Variants in SDHB observed in about 807,000 individuals in gnomAD.
The protein encoded by SDHB is succinate dehydrogenase complex iron sulfur subunit B.
A neutral mutation model predicts 39.7 loss-of-function variants in SDHB; 21 were observed. The ratio of observed to expected loss-of-function variants is 0.53; its 90% CI spans 0.37 to 0.76. The LOEUF is 0.76. SDHB is among the 30% of genes least tolerant of loss of function. SDHB has a pLI of 0.00. For synonymous variants in SDHB, 118 were observed against 117.0 expected, an observed-to-expected ratio of 1.01 and a Z score of -0.06; for missense variants, 343 against 350.9, an observed-to-expected ratio of 0.98 and a Z score of 0.18.
At chr1:17,040,684 G>A (rs747528388) in intron 2 of SDHB, among the ~76,000 whole-genome samples, 9 of 152,004 alleles carry the variant, frequency 5.9e-5, no homozygotes, top group Non-Finnish European at 1.3e-4. Context: ...AGCTGGTCTT[G>A]GACTCTTGGC....
chr1:17,020,432 T>C (rs2077955195), intron 7 of SDHB, among the ~76,000 whole-genome samples: 1 of 152,198 alleles, frequency 6.6e-6, no homozygotes, highest in African/African-American at 2.4e-5. Flanking sequence ...GATCGGCCTA[T>C]GTCTATGTCT....
At chr1:17,024,347 G>T (rs904416337) in intron 5 of SDHB, among the ~76,000 whole-genome samples, 29 of 152,212 alleles carry the variant, frequency 1.9e-4, no homozygotes, top group African/African-American at 6.7e-4. Context: ...GTCTAAAAAA[G>T]AAATAGAAAA....
chr1:17,038,582 G>A (rs1355849994), intron 2 of SDHB, among the ~76,000 whole-genome samples: 1 of 152,160 alleles, frequency 6.6e-6, no homozygotes, highest in African/African-American at 2.4e-5. Context: ...GGACTGGCTA[G>A]AACCTTCAGT....
intron 2 of SDHB, among the ~76,000 whole-genome samples, chr1:17,043,193 C>T (rs9435676): frequency 0.42 from 63,867 of 151,676 alleles, 15,093 homozygotes; most frequent in Non-Finnish European, 0.54. Context: ...ATGCCTGACC[C>T]CGAGTGATCC....
At chr1:17,026,088 C>T (rs143979294) in intron 5 of SDHB, among the ~76,000 whole-genome samples, 195 of 152,352 alleles carry the variant, frequency 1.3e-3, no homozygotes, top group African/African-American at 4.5e-3. Context: ...GGGAACTCTT[C>T]AATCCCTAAT....
At chr1:17,023,796 G>A (rs1031749445) in intron 6 of SDHB, among the ~76,000 whole-genome samples, 177 bp downstream of exon 6, 1 of 152,188 alleles carries the variant, frequency 6.6e-6, no homozygotes, top group Non-Finnish European at 1.5e-5. Flanking sequence ...TGCAGACAAG[G>A]CCCCAGATTT....
In SDHB at chr1:17,044,754, T is replaced by C. The variant is rs371329778; in HGVS notation, c.200+7A>G. 20 of 1,614,010 alleles carry C rather than the reference T, an allele frequency of 1.2e-5. No individual in the cohort carries two copies. The African/African-American group carries it at 1.3e-4, about 11-fold the overall frequency. On this transcript the variant is annotated splice_region_variant and intron_variant, in intron 2 of 7. Coordinates refer to ENST00000375499, the MANE Select transcript of SDHB (RefSeq NM_003000.3). ...CTTCAATAGCTGGCTTTCACAGAGA[T>C]ACTCACTTATTAAGGTCAACTTCAT...
chr1:17,047,696 AAG>A (rs1408023385), intron 1 of SDHB, among the ~76,000 whole-genome samples: 6 of 151,412 alleles, frequency 4.0e-5, no homozygotes, highest in African/African-American at 7.3e-5. Flanking sequence ...AAAAAAAAAA[AAG>A]AGAGAGAGTT....
chr1:17,034,247 A>G (rs998597721), intron 2 of SDHB, among the ~76,000 whole-genome samples: 5 of 152,044 alleles, frequency 3.3e-5, no homozygotes, highest in Non-Finnish European at 7.4e-5. Context: ...TCCCAGCCTC[A>G]AGAGATCCTC....
chr1:17,040,666 G>C (rs2078074803), intron 2 of SDHB, among the ~76,000 whole-genome samples: 1 of 152,024 alleles, frequency 6.6e-6, no homozygotes, highest in Admixed American at 6.6e-5. Context: ...GGTCTCACAG[G>C]TTGCCCAAGC....
chr1:17,023,534 T>C (rs2077974774), intron 6 of SDHB, among the ~76,000 whole-genome samples: 1 of 152,252 alleles, frequency 6.6e-6, no homozygotes. Context: ...TACTATTTTC[T>C]TTCTAAGCAA....
intron 1 of SDHB, among the ~76,000 whole-genome samples, chr1:17,046,874 G>A (rs1269952278): frequency 1.3e-5 from 2 of 151,894 alleles, no homozygotes; most frequent in Non-Finnish European, 2.9e-5. Flanking sequence ...TGTGCTACCA[G>A]GCCCGGCTAA....
At position 17,027,878 on chromosome 1, in the gene SDHB, GGAAGAA is replaced by G. The variant is rs34261028; in HGVS notation, c.424-19_424-14del. On this transcript the variant is annotated splice_polypyrimidine_tract_variant and intron_variant, in intron 4 of 7. Coordinates refer to ENST00000375499, the MANE Select transcript of SDHB (RefSeq NM_003000.3). ...AGTTGCTCAAATCCTGTGGTTAAGA[GGAAGAA>G]GAAGAAGAAGAAGAAGAAAAGGATC... The G allele has an allele frequency of 2.3e-3, 3,150 of 1,377,784 alleles. 11 individuals carry two copies. Among genetic ancestry groups the G allele is most frequent in the Non-Finnish European group, 2.5e-3 (2,407 of 966,480 alleles). 85.3% of individuals were successfully genotyped at this position (1,377,784 alleles called of 1,614,324 possible). A position where few individuals can be genotyped will look rare whatever the true frequency, so the allele number is the denominator to read the frequency against.
chr1:17,027,529 C>T (rs878871161), intron 5 of SDHB: 57 of 546,474 alleles, frequency 1.0e-4, no homozygotes, highest in South Asian at 7.3e-4. Context: ...CCCCTGCAGG[C>T]GGGGCACAGG....
chr1:17,021,464 G>A (rs1468535475), intron 7 of SDHB, among the ~76,000 whole-genome samples: 2 of 151,780 alleles, frequency 1.3e-5, no homozygotes, highest in Non-Finnish European at 2.9e-5. Flanking sequence ...GATGAGAGGG[G>A]CCGGTCGCGG....
chr1:17,053,425 T>G (rs557945197), intron 1 of SDHB, among the ~76,000 whole-genome samples: 1 of 151,970 alleles, frequency 6.6e-6, no homozygotes, highest in Non-Finnish European at 1.5e-5. Flanking sequence ...GGGGGCTGGG[T>G]GCATTTCCCT....
intron 3 of SDHB, among the ~76,000 whole-genome samples, chr1:17,030,606 T>G (rs545195740): frequency 3.2e-4 from 49 of 152,282 alleles, no homozygotes; most frequent in Non-Finnish European, 6.0e-4. Flanking sequence ...AAACCTCTAG[T>G]GCCAGTCCTC....
rs554673304 is a variant in SDHB, at chr1:17,026,162, C to T, written c.540+1587G>A. Among the ~76,000 whole-genome samples the T allele has an allele frequency of 5.3e-5, 8 of 152,294 alleles. No individual in the cohort carries two copies. The East Asian group carries it at 1.2e-3, about 22-fold the overall frequency. On this transcript the variant is annotated intron_variant, in intron 5 of 7. Transcript: ENST00000375499. ...GCCTTGCCTAGGAATGCAAAGGACT[C>T]GCTGGGCCAGAGGGCCCGGTTCAGC... is the stretch of plus-strand genomic sequence containing the variant.
At chr1:17,023,861 A>G in intron 6 of SDHB, 112 bp downstream of exon 6, 1 of 788,670 alleles carries the variant, frequency 1.3e-6, no homozygotes, top group Non-Finnish European at 2.2e-6. Context: ...CTGGATGGCA[A>G]TGAAGGAAAC....
Sources: allele counts gnomAD v4.1 joint callset (sites outside exome capture counted in the v4.1 genomes callset), GRCh38; gene constraint gnomAD v4.1.1; transcripts MANE v1.5; gene names NCBI Gene and HGNC (gene_info 2026-07-23, HGNC 2026-07-21).